Variants in RAB7A observed in about 807,000 individuals in gnomAD.
The protein encoded by RAB7A is RAB7A, member RAS oncogene family.
RAB7A carries 2 observed loss-of-function variants against 24.5 expected under a neutral mutation model. The ratio of observed to expected loss-of-function variants is 0.08; its 90% confidence interval spans 0.03 to 0.26. The LOEUF (loss-of-function observed/expected upper bound fraction) is 0.26, where lower values mean the gene tolerates loss of function less well. Ranked by LOEUF, RAB7A falls within the 10% of genes least tolerant of loss-of-function variation. RAB7A has a pLI of 1.00. For missense variants in RAB7A, 118 were observed against 255.7 expected, an observed-to-expected ratio of 0.46 and a Z score of 3.67; for synonymous variants, 100 against 95.9, an observed-to-expected ratio of 1.04 and a Z score of -0.25.
intron 1 of RAB7A, among the ~76,000 whole-genome samples, chr3:128,739,024 TTGGACA>T (rs1244559632): frequency 6.6e-6 from 1 of 152,206 alleles, no homozygotes; most frequent in East Asian, 1.9e-4. Flanking sequence ...TCTCTGACTC[TTGGACA>T]TACTGCTGTG....
At chr3:128,768,548 GTGTTTTGTTT>G (rs141242223) in intron 1 of RAB7A, among the ~76,000 whole-genome samples, 42 of 152,062 alleles carry the variant, frequency 2.8e-4, no homozygotes, top group Middle Eastern at 3.4e-3. Flanking sequence ...TAAAGTGTGC[GTGTTTTGTTT>G]TGTTTTGTTT....
At chr3:128,762,297 A>G (rs2070781398) in intron 1 of RAB7A, among the ~76,000 whole-genome samples, 1 of 152,186 alleles carries the variant, frequency 6.6e-6, no homozygotes, top group Non-Finnish European at 1.5e-5. Flanking sequence ...GGAAAAGAAA[A>G]GTGGAAATTT....
rs2070451422 is a variant in RAB7A, at chr3:128,732,802, G to T, written c.-9+6443G>T. Among the ~76,000 whole-genome samples, 8 of 152,170 alleles carry T rather than the reference G, an allele frequency of 5.3e-5. No individual in the cohort carries two copies. In the South Asian group the frequency reaches 1.7e-3, roughly 32 times the overall value. On this transcript the variant is annotated intron_variant, in intron 1 of 5. Coordinates refer to ENST00000265062, the MANE Select transcript of RAB7A (RefSeq NM_004637.6). ...TGTTCGTGGCACTGCACTCCAGCCT[G>T]GGTGGCAGAGCAAGACCCTGTCTCA...
intron 1 of RAB7A, among the ~76,000 whole-genome samples, chr3:128,783,213 C>T (rs1197748912): frequency 1.1e-4 from 15 of 139,488 alleles, no homozygotes; most frequent in Non-Finnish European, 2.0e-4. Context: ...CCCGCCCCCC[C>T]GCCCCCCACA....
At position 128,807,554 on chromosome 3, in the gene RAB7A, G is replaced by A; in HGVS notation, c.411G>A (p.Lys137=). The change falls in exon 5 of 6, where the codon AAG becomes AAA. Residue 137 remains lysine, a synonymous_variant. Coordinates refer to ENST00000265062, the MANE Select transcript of RAB7A (RefSeq NM_004637.6). ...GCTTCTTCTTTCAGGTGGCCACAAA[G>A]CGGGCACAGGCCTGGTGCTACAGCA... ...IDLENRQVAT[K]RAQAWCYSKN... 1 of 1,614,172 alleles carries A rather than the reference G, an allele frequency of 6.2e-7. No individual in the cohort carries two copies. Among genetic ancestry groups the A allele is most frequent in the Non-Finnish European group, 8.5e-7 (1 of 1,180,028 alleles).
intron 1 of RAB7A, among the ~76,000 whole-genome samples, chr3:128,774,981 G>A (rs1011839788): frequency 5.3e-5 from 8 of 152,040 alleles, no homozygotes; most frequent in African/African-American, 1.9e-4. Flanking sequence ...GGGTTTCACC[G>A]TTGTTGGCCA....
At chr3:128,794,316 T>G (rs1410713734) in intron 1 of RAB7A, among the ~76,000 whole-genome samples, 2 of 152,236 alleles carry the variant, frequency 1.3e-5, no homozygotes, top group East Asian at 3.8e-4. Flanking sequence ...TTATTCAGTC[T>G]TCACAGCATT....
intron 2 of RAB7A, 50 bp downstream of exon 2, chr3:128,795,470 C>A: frequency 5.3e-6 from 8 of 1,499,866 alleles, no homozygotes; most frequent in South Asian, 1.1e-5. Context: ...AGCTAAGCCT[C>A]TCTGCTGTGG....
intron 1 of RAB7A, among the ~76,000 whole-genome samples, chr3:128,753,076 A>G (rs754723082): frequency 6.6e-6 from 1 of 152,202 alleles, no homozygotes; most frequent in Non-Finnish European, 1.5e-5. Flanking sequence ...TAATTTCCCC[A>G]GAAGATCATC....
intron 3 of RAB7A, among the ~76,000 whole-genome samples, chr3:128,803,029 C>T (rs534425189): frequency 1.3e-5 from 2 of 152,208 alleles, no homozygotes; most frequent in South Asian, 2.1e-4. Flanking sequence ...AGGCTGGTCT[C>T]GAACTGCCGA....
chr3:128,769,773 G>A (rs2070867178), intron 1 of RAB7A, among the ~76,000 whole-genome samples: 1 of 152,150 alleles, frequency 6.6e-6, no homozygotes, highest in Non-Finnish European at 1.5e-5. Flanking sequence ...CTACAAAATA[G>A]GATGAAAACT....
chr3:128,807,430 T>C (rs1933828184), intron 4 of RAB7A, 113 bp from the exon 5 acceptor site: 1 of 1,494,862 alleles, frequency 6.7e-7, no homozygotes. Flanking sequence ...CCCATGTCTG[T>C]GTCCTCACCT....
chr3:128,784,351 C>CA (rs2107606354), intron 1 of RAB7A, among the ~76,000 whole-genome samples: 1 of 152,300 alleles, frequency 6.6e-6, no homozygotes, highest in East Asian at 1.9e-4. Flanking sequence ...CATCCCAATC[C>CA]AATCCATCAC....
chr3:128,731,090 G>A (rs2070431631), intron 1 of RAB7A, among the ~76,000 whole-genome samples: 3 of 152,170 alleles, frequency 2.0e-5, no homozygotes, highest in Admixed American at 2.0e-4. Context: ...ATACTGCTGG[G>A]CATTAACCAT....
intron 1 of RAB7A, among the ~76,000 whole-genome samples, chr3:128,776,987 C>CACACACACA (rs1559790079): frequency 7.0e-6 from 1 of 143,712 alleles, no homozygotes; most frequent in Non-Finnish European, 1.5e-5. Flanking sequence ...CACACACACA[C>CACACACACA]CCCTATTAGT....
chr3:128,731,170 T>C (rs2070432342), intron 1 of RAB7A, among the ~76,000 whole-genome samples: 1 of 152,242 alleles, frequency 6.6e-6, no homozygotes, highest in South Asian at 2.1e-4. Context: ...CCAATATTGG[T>C]ATGTAAGTGT....
At chr3:128,765,203 C>T (rs1309464117) in intron 1 of RAB7A, among the ~76,000 whole-genome samples, 1 of 152,138 alleles carries the variant, frequency 6.6e-6, no homozygotes, top group Non-Finnish European at 1.5e-5. Flanking sequence ...CGACGACTCT[C>T]GGCGAAGAAT....
At chr3:128,798,144 A>T in intron 3 of RAB7A, 75 bp downstream of exon 3, 2 of 1,549,024 alleles carry the variant, frequency 1.3e-6, no homozygotes, top group Non-Finnish European at 8.9e-7. Flanking sequence ...ATGCATAGAC[A>T]TTTTCCTTCC....
intron 1 of RAB7A, among the ~76,000 whole-genome samples, chr3:128,755,349 A>G (rs1189941278): frequency 6.6e-6 from 1 of 152,214 alleles, no homozygotes; most frequent in African/African-American, 2.4e-5. Flanking sequence ...ATGATATGCC[A>G]CAAAAGCAGT....
Sources: allele counts gnomAD v4.1 joint callset (sites outside exome capture counted in the v4.1 genomes callset), GRCh38; gene constraint gnomAD v4.1.1; transcripts MANE v1.5; gene names NCBI Gene and HGNC (gene_info 2026-07-23, HGNC 2026-07-21).